The following SH3GL1 variants were observed in gnomAD, a reference collection of about 807,000 sequenced individuals.
SH3GL1 encodes endophilin-A2.
Under a neutral mutation model 48.8 loss-of-function variants are expected in SH3GL1, and 21 were observed. That is an observed-to-expected ratio of 0.43 (90% CI 0.30 to 0.62). The LOEUF (loss-of-function observed/expected upper bound fraction) is 0.62. SH3GL1 is among the 20% of genes least tolerant of loss of function. The pLI, the probability that SH3GL1 is intolerant of heterozygous loss-of-function variation, is 0.11. For synonymous variants in SH3GL1, 282 were observed against 217.5 expected (o/e 1.30, Z -2.61); for missense variants, 454 against 503.0 (o/e 0.90, Z 0.93).
chr19:4,362,446 C>T, intron 8 of SH3GL1, 61 bp from the exon 9 acceptor site: 3 of 1,581,336 alleles, frequency 1.9e-6, no homozygotes, highest in Non-Finnish European at 2.6e-6. Flanking sequence ...GCCCCTTCTG[C>T]AGAAGGCTGG....
At chr19:4,362,298 C>T in intron 9 of SH3GL1, 31 bp downstream of exon 9, 1 of 1,605,466 alleles carries the variant, frequency 6.2e-7, no homozygotes, top group Non-Finnish European at 8.5e-7. Flanking sequence ...GAAGGCAGCA[C>T]TGAGGTCGAG....
At chr19:4,371,410 T>C (rs1972897661) in intron 1 of SH3GL1, among the ~76,000 whole-genome samples, 1 of 152,190 alleles carries the variant, frequency 6.6e-6, no homozygotes, top group African/African-American at 2.4e-5. Context: ...TCCTGCCGAG[T>C]GGAGCTGGCT....
At chr19:4,384,801 T>C (rs941864868) in intron 1 of SH3GL1, among the ~76,000 whole-genome samples, 4 of 152,190 alleles carry the variant, frequency 2.6e-5, no homozygotes, top group Admixed American at 2.0e-4. Flanking sequence ...TCACAAGCAG[T>C]GCTCAGCCTA....
At position 4,400,411 on chromosome 19, in the gene SH3GL1, G is replaced by C. The variant is rs1294113686; in HGVS notation, c.-43C>G. ...AGCCTCCCGCCCGGACCGCGCCAGC[G>C]ACAGGCTCCCGGGCGCCGCCGACCC... On this transcript the variant is annotated 5_prime_UTR_variant, in exon 1 of 10. Coordinates refer to ENST00000269886, the MANE Select transcript of SH3GL1 (RefSeq NM_003025.4). The surrounding 1 kb of genome is among the most constrained non-coding windows in gnomAD (Gnocchi z 4.1). 6.5e-7 allele frequency: 1 copy of C among 1,547,290 alleles called. No individual in the cohort carries two copies.
chr19:4,364,603 G>C (rs1972719879), intron 4 of SH3GL1: 2 of 267,090 alleles, frequency 7.5e-6, no homozygotes, highest in Non-Finnish European at 1.5e-5. Flanking sequence ...GCTAATTTTT[G>C]TATTTTTAAT....
At position 4,376,127 on chromosome 19, in the gene SH3GL1, CCT is replaced by C. The variant is rs1258862151; in HGVS notation, c.46-9135_46-9134del. ...CGAGGGGCCGTGAGTTCCCTCACTCCCTGAGAGCTGAGGAGACTTGCCCGAAA... is the reference window on the plus strand; with the variant it reads ...CGAGGGGCCGTGAGTTCCCTCACTCCGAGAGCTGAGGAGACTTGCCCGAAA... On this transcript the variant is annotated intron_variant, in intron 1 of 9. Transcript: ENST00000269886. This position sits in a 1 kb window ranked among gnomAD's most constrained non-coding sequence, Gnocchi z 4.3. Among the ~76,000 whole-genome samples the C allele has an allele frequency of 6.6e-6, 1 of 152,274 alleles. No individual in the cohort carries two copies. Among genetic ancestry groups the C allele is most frequent in the Non-Finnish European group, 1.5e-5 (1 of 68,016 alleles).
rs754075917 is a variant in SH3GL1, at chr19:4,366,882, C to A, written c.114+44G>T. The A allele has an allele frequency of 1.5e-5, 24 of 1,585,116 alleles. No individual in the cohort carries two copies. The South Asian group carries it at 2.4e-4, about 16-fold the overall frequency. On this transcript the variant is annotated intron_variant, in intron 2 of 9. Transcript: ENST00000269886. ...CACTATGCCCGGCAGAGGTCAGGCCCCAGCAGTGCCACCACCACACAGAGC... is the reference window on the plus strand; with the variant it reads ...CACTATGCCCGGCAGAGGTCAGGCCACAGCAGTGCCACCACCACACAGAGC...
At position 4,383,870 on chromosome 19, in the gene SH3GL1, C is replaced by T. The variant is rs558612212; in HGVS notation, c.45+16454G>A. Among the ~76,000 whole-genome samples the T allele has an allele frequency of 5.3e-5, 8 of 152,224 alleles. No homozygotes were observed. The South Asian group carries it at 6.2e-4, about 12-fold the overall frequency. ...AGCCGGGAGAAGGCAGAGTGATCCA[C>T]GCCAGAACACAGCGTTGAGAGCTAG... On this transcript the variant is annotated intron_variant, in intron 1 of 9. Transcript: ENST00000269886.
chr19:4,361,463 A>C lies in SH3GL1; in HGVS notation c.*137T>G. 1 of 651,304 alleles carries C rather than the reference A, an allele frequency of 1.5e-6. No individual in the cohort carries two copies. Among genetic ancestry groups the C allele is most frequent in the Admixed American group, 2.7e-5 (1 of 37,444 alleles). The allele number at this position is 651,304 out of a possible 1,614,324, so 40.3% of individuals were successfully genotyped here. A position where few individuals can be genotyped will look rare whatever the true frequency, so the allele number is the denominator to read the frequency against. ...AAGTGTGGGGTCCTGCTCAGGGAGT[A>C]CCTCAAGGGCCGGGGCCCAGGTGGC... is the stretch of plus-strand genomic sequence containing the variant. On this transcript the variant is annotated 3_prime_UTR_variant, in exon 10 of 10. Transcript: ENST00000269886.
In SH3GL1 at chr19:4,389,278, C is replaced by G. The variant is rs1419713855; in HGVS notation, c.45+11046G>C. Among the ~76,000 whole-genome samples the G allele has an allele frequency of 2.6e-5, 4 of 152,314 alleles. No homozygotes were observed. The East Asian group carries it at 7.7e-4, about 29-fold the overall frequency. ...TCACACGAACACCAGCGTGTGGCAT[C>G]TGGGTGGGGGACCCCGAGGCCAGAA... is the stretch of plus-strand genomic sequence containing the variant. On this transcript the variant is annotated intron_variant, in intron 1 of 9. Coordinates refer to ENST00000269886, the MANE Select transcript of SH3GL1 (RefSeq NM_003025.4). The surrounding 1 kb of genome is among the most constrained non-coding windows in gnomAD (Gnocchi z 4.5).
At chr19:4,384,517 A>G (rs1599613677) in intron 1 of SH3GL1, among the ~76,000 whole-genome samples, 1 of 152,142 alleles carries the variant, frequency 6.6e-6, no homozygotes, top group East Asian at 1.9e-4. Flanking sequence ...GGGTCTCGCT[A>G]TATTGCCTAG....
chr19:4,377,890 T>TCTGAAGACTCGCGTTTGGGTC (rs1260684652), intron 1 of SH3GL1, among the ~76,000 whole-genome samples: 15 of 152,342 alleles, frequency 9.8e-5, no homozygotes, highest in Non-Finnish European at 1.9e-4. Context: ...GCCTCTCCTG[T>TCTGAAGACTCGCGTTTGGGTC]CTGAAGACTC....
chr19:4,399,523 T>C (rs1347824503), intron 1 of SH3GL1, among the ~76,000 whole-genome samples: 2 of 151,900 alleles, frequency 1.3e-5, no homozygotes, highest in Non-Finnish European at 2.9e-5. Context: ...CACACGGTGA[T>C]GTCTCAAGAT....
At chr19:4,364,042 C>A (rs1972702794) in intron 5 of SH3GL1, 46 bp downstream of exon 5, 2 of 1,610,518 alleles carry the variant, frequency 1.2e-6, no homozygotes, top group East Asian at 4.5e-5. Context: ...GCTGCCCCAT[C>A]CGGCAGGGGG....
At chr19:4,369,051 G>A (rs1024025638) in intron 1 of SH3GL1, among the ~76,000 whole-genome samples, 4 of 152,010 alleles carry the variant, frequency 2.6e-5, no homozygotes, top group Admixed American at 1.3e-4. Context: ...CAGCCTAGGC[G>A]ACAGAGCAAG....
At chr19:4,373,660 T>A (rs1453289381) in intron 1 of SH3GL1, among the ~76,000 whole-genome samples, 2 of 152,056 alleles carry the variant, frequency 1.3e-5, no homozygotes, top group African/African-American at 4.8e-5. Flanking sequence ...CCAGGCGTCC[T>A]CTCAGCCAAA....
chr19:4,375,324 G>A (rs1360647789), intron 1 of SH3GL1, among the ~76,000 whole-genome samples: 11 of 152,222 alleles, frequency 7.2e-5, no homozygotes, highest in African/African-American at 2.7e-4. Context: ...CTGGCCCAAG[G>A]CCAGACAGCA....
In SH3GL1 at chr19:4,376,667, G is replaced by A. The variant is rs1322606442; in HGVS notation, c.46-9673C>T. Among the ~76,000 whole-genome samples the A allele has an allele frequency of 1.3e-5, 2 of 151,530 alleles. No individual in the cohort carries two copies. Among genetic ancestry groups the A allele is most frequent in the Non-Finnish European group, 2.9e-5 (2 of 67,944 alleles). ...ATCTCCCCTCAGAGCTTTTGCTCTC[G>A]CTGTTCCTTCTCCCTCACTGAGCCT... On this transcript the variant is annotated intron_variant, in intron 1 of 9. Coordinates refer to ENST00000269886, the MANE Select transcript of SH3GL1 (RefSeq NM_003025.4). The surrounding 1 kb of genome is among the most constrained non-coding windows in gnomAD (Gnocchi z 4.3).
At chr19:4,391,564 C>T (rs1973338011) in intron 1 of SH3GL1, among the ~76,000 whole-genome samples, 1 of 152,154 alleles carries the variant, frequency 6.6e-6, no homozygotes, top group African/African-American at 2.4e-5. Flanking sequence ...GTCTGATGAC[C>T]CCTTGGTCCT....
Sources: allele counts gnomAD v4.1 joint callset (sites outside exome capture counted in the v4.1 genomes callset), GRCh38; gene constraint gnomAD v4.1.1; non-coding constraint Gnocchi (gnomAD v3.1); transcripts MANE v1.5; gene names NCBI Gene and HGNC (gene_info 2026-07-23, HGNC 2026-07-21).